SRGAP1: variants seen among roughly 807,000 people sequenced by gnomAD.
The protein encoded by SRGAP1 is SLIT-ROBO Rho GTPase activating protein 1.
Under a neutral mutation model 121.9 loss-of-function variants are expected in SRGAP1, and 43 were observed. That is an observed-to-expected ratio of 0.35 (90% CI 0.28 to 0.46). The LOEUF is 0.46. SRGAP1 is among the 20% of genes least tolerant of loss of function. SRGAP1 has a pLI of 1.00. For synonymous variants in SRGAP1, 447 were observed against 485.4 expected, an observed-to-expected ratio of 0.92 and a Z score of 1.04; for missense variants, 1,102 against 1,350.9, an observed-to-expected ratio of 0.82 and a Z score of 2.89.
intron 11 of SRGAP1, among the ~76,000 whole-genome samples, chr12:64,090,152 A>T (rs1052799493): frequency 6.6e-6 from 1 of 152,194 alleles, no homozygotes; most frequent in Admixed American, 6.5e-5. Flanking sequence ...AAGTTGAGTC[A>T]GGTAATTCTG....
In SRGAP1 at chr12:63,870,653, C is replaced by T. The variant is rs189600347; in HGVS notation, c.67+25770C>T. On this transcript the variant is annotated intron_variant, in intron 1 of 21. Transcript: ENST00000355086. ...TTCTGGGGTTCAAGTGATTCTCCTG[C>T]GTCAACCTCCTGAGTAGCTGGGACT... Among the ~76,000 whole-genome samples the T allele has an allele frequency of 1.8e-4, 27 of 151,136 alleles. 2 individuals carry two copies. Among genetic ancestry groups the T allele is most frequent in the Admixed American group, 7.3e-4 (11 of 15,070 alleles).
chr12:64,097,703 C>G (rs1263979365), intron 15 of SRGAP1: 1 of 206,988 alleles, frequency 4.8e-6, no homozygotes, highest in Non-Finnish European at 9.6e-6. Flanking sequence ...GTGACCTTTT[C>G]TTGGCTTTTG....
At chr12:64,099,632 C>T (rs2036223405) in intron 15 of SRGAP1, among the ~76,000 whole-genome samples, 1 of 152,122 alleles carries the variant, frequency 6.6e-6, no homozygotes, top group Admixed American at 6.6e-5. Flanking sequence ...TCACAATGAA[C>T]CTCTGACCCA....
chr12:63,888,030 G>T (rs1315726449), intron 1 of SRGAP1: 1 of 152,206 alleles, frequency 6.6e-6, no homozygotes, highest in Non-Finnish European at 1.5e-5. Context: ...TGTCAGGTCA[G>T]TTTTTGTGTC....
intron 4 of SRGAP1, among the ~76,000 whole-genome samples, chr12:64,028,836 G>A (rs766489235): frequency 6.6e-6 from 1 of 152,198 alleles, no homozygotes; most frequent in Non-Finnish European, 1.5e-5. Flanking sequence ...GGACACAAAC[G>A]TTCAGACCAT....
intron 1 of SRGAP1, among the ~76,000 whole-genome samples, chr12:63,917,559 C>G (rs1165127087): frequency 6.6e-6 from 1 of 151,702 alleles, no homozygotes; most frequent in Non-Finnish European, 1.5e-5. Context: ...TTCACAGCAG[C>G]GAAGGCCCTG....
chr12:64,095,085 T>C (rs746877560), intron 13 of SRGAP1, 42 bp from the exon 14 acceptor site: 2 of 1,609,238 alleles, frequency 1.2e-6, no homozygotes, highest in South Asian at 2.2e-5. Flanking sequence ...ACCTAGACAA[T>C]GTGATGGGGG....
chr12:63,939,000 A>G (rs190581793), intron 1 of SRGAP1, among the ~76,000 whole-genome samples: 6 of 148,322 alleles, frequency 4.0e-5, no homozygotes, highest in Admixed American at 2.0e-4. Flanking sequence ...ACAAAAAAAT[A>G]CAAAAATTAG....
In SRGAP1 at chr12:64,087,156, T is replaced by G. The variant is rs545082070; in HGVS notation, c.1436+130T>G. 5.2e-5 allele frequency: 33 copies of G among 632,168 alleles called. 1 individual carries two copies. The South Asian group carries it at 7.0e-4, about 13-fold the overall frequency. The allele number at this position is 632,168 out of a possible 1,614,324, so 39.2% of individuals were successfully genotyped here. A position where few individuals can be genotyped will look rare whatever the true frequency, so the allele number is the denominator to read the frequency against. On this transcript the variant is annotated intron_variant, in intron 11 of 21. Coordinates refer to ENST00000355086, the MANE Select transcript of SRGAP1 (RefSeq NM_020762.4). ...GAGATAGTTTTGGCTTGACAAAGCA[T>G]AGCAACATGAAATGTTTGGGCTTCT...
intron 1 of SRGAP1, among the ~76,000 whole-genome samples, chr12:63,955,074 T>G (rs1226364643): frequency 6.6e-6 from 1 of 152,198 alleles, no homozygotes; most frequent in Non-Finnish European, 1.5e-5. Context: ...TCCCAGCACT[T>G]TGGGAGCCCG....
chr12:64,089,041 C>T (rs759727731), intron 11 of SRGAP1, among the ~76,000 whole-genome samples: 1 of 152,168 alleles, frequency 6.6e-6, no homozygotes, highest in Non-Finnish European at 1.5e-5. Context: ...TTTCTGACCC[C>T]AGAAGTACTG....
intron 4 of SRGAP1, among the ~76,000 whole-genome samples, chr12:64,033,376 G>A (rs553737100): frequency 4.6e-5 from 7 of 152,226 alleles, no homozygotes; most frequent in Admixed American, 2.0e-4. Flanking sequence ...CCTAAAGACC[G>A]TATCTCATGC....
intron 1 of SRGAP1, among the ~76,000 whole-genome samples, chr12:63,933,668 ACTAT>A (rs1481211821): frequency 2.0e-5 from 3 of 152,336 alleles, no homozygotes; most frequent in African/African-American, 4.8e-5. Flanking sequence ...TGTTAAAAGA[ACTAT>A]CTTTCTTTTC....
chr12:63,961,530 T>C (rs112349940), intron 1 of SRGAP1, among the ~76,000 whole-genome samples: 100 of 152,328 alleles, frequency 6.6e-4, no homozygotes, highest in African/African-American at 2.3e-3. Flanking sequence ...TGGGGCAGGA[T>C]GTGGCCTCCA....
chr12:63,928,009 T>A (rs2031324023), intron 1 of SRGAP1, among the ~76,000 whole-genome samples: 2 of 152,180 alleles, frequency 1.3e-5, no homozygotes, highest in Non-Finnish European at 2.9e-5. Context: ...CCTGCCTTGA[T>A]GTCTAACAGA....
intron 6 of SRGAP1, among the ~76,000 whole-genome samples, chr12:64,057,403 T>C (rs999818694): frequency 2.0e-5 from 3 of 152,182 alleles, no homozygotes; most frequent in African/African-American, 7.2e-5. Context: ...TCCTGCAAGA[T>C]GCCTGTCTCT....
At position 64,111,756 on chromosome 12, in the gene SRGAP1, T is replaced by C; in HGVS notation, c.1920-6T>C. The C allele has an allele frequency of 6.3e-7, 1 of 1,578,252 alleles. No individual in the cohort carries two copies. Among genetic ancestry groups the C allele is most frequent in the Non-Finnish European group, 8.6e-7 (1 of 1,156,566 alleles). On this transcript the variant is annotated splice_region_variant and splice_polypyrimidine_tract_variant and intron_variant, in intron 16 of 21. Coordinates refer to ENST00000355086, the MANE Select transcript of SRGAP1 (RefSeq NM_020762.4). Reference sequence around the variant, plus strand: ...TTTATAACTCCTTTCTTGTTTCCTTTTGTAGTCTATCACAGTACAGCGATG... The same window carrying C: ...TTTATAACTCCTTTCTTGTTTCCTTCTGTAGTCTATCACAGTACAGCGATG...
intron 8 of SRGAP1, 34 bp downstream of exon 8, chr12:64,065,253 C>A: frequency 1.3e-6 from 2 of 1,523,158 alleles, no homozygotes; most frequent in South Asian, 1.2e-5. Context: ...CACCAGTAAT[C>A]TGAATTCAAA....
rs77103965 is a variant in SRGAP1, at chr12:63,946,293, C to CTT, written c.68-37642_68-37641dup. ...ATTTATGAATGGCTTCTTTTTTTTTCTTTTTTTTTTTTTACAGTTTTATGC... is the reference window on the plus strand; with the variant it reads ...ATTTATGAATGGCTTCTTTTTTTTTCTTTTTTTTTTTTTTTACAGTTTTATGC... On this transcript the variant is annotated intron_variant, in intron 1 of 21. Transcript: ENST00000355086. 1.0e-3 allele frequency among the ~76,000 whole-genome samples: 137 copies of CTT among 136,754 alleles called. 1 individual carries two copies. Among genetic ancestry groups the CTT allele is most frequent in the African/African-American group, 3.3e-3 (124 of 37,702 alleles). The allele number at this position is 136,754 out of a possible 152,430, so 89.7% of individuals were successfully genotyped here.
Sources: gnomAD v4.1 joint callset for allele counts (sites outside exome capture counted in the v4.1 genomes callset) on GRCh38, gnomAD v4.1.1 for gene constraint, MANE v1.5 for transcripts, NCBI Gene and HGNC (gene_info 2026-07-23, HGNC 2026-07-21) for gene names.